SLC22A2: variants seen among roughly 807,000 people sequenced by gnomAD.
The protein encoded by SLC22A2 is organic cation transporter 2.
Under a neutral mutation model 60.5 loss-of-function variants are expected in SLC22A2, and 46 were observed. The ratio of observed to expected loss-of-function variants is 0.76; its 90% CI spans 0.60 to 0.97. SLC22A2 has a LOEUF of 0.97. Ranked by LOEUF, SLC22A2 falls within the 50% of genes least tolerant of loss-of-function variation. SLC22A2 has a pLI of 0.00. For synonymous variants in SLC22A2, 303 were observed against 267.0 expected, an observed-to-expected ratio of 1.13 and a Z score of -1.31; for missense variants, 701 against 706.6, an observed-to-expected ratio of 0.99 and a Z score of 0.09.
intron 9 of SLC22A2, among the ~76,000 whole-genome samples, chr6:160,235,721 G>T (rs1782900006): frequency 6.6e-6 from 1 of 151,702 alleles, no homozygotes; most frequent in Non-Finnish European, 1.5e-5. Context: ...TAAAAAGTTT[G>T]TAAAGAGTTA....
At chr6:160,234,110 T>G (rs1782871897) in intron 9 of SLC22A2, among the ~76,000 whole-genome samples, 1 of 152,120 alleles carries the variant, frequency 6.6e-6, no homozygotes. Context: ...GCTCCCCCAC[T>G]GAGCACATTG....
Position 160,224,821 on chromosome 6 carries a change from T to G in SLC22A2, c.1502-17A>C, listed in dbSNP as rs1782698141. The G allele has an allele frequency of 2.1e-6, 3 of 1,443,950 alleles. No individual in the cohort carries two copies. The highest frequency in any genetic ancestry group is 1.9e-6 in the Non-Finnish European group (2 of 1,051,278). 89.4% of individuals were successfully genotyped at this position (1,443,950 alleles called of 1,614,324 possible). On this transcript the variant is annotated splice_polypyrimidine_tract_variant and intron_variant, in intron 9 of 10. Transcript: ENST00000366953. ...CAAGCACGCCTGAAAGCCAAACAGA[T>G]GAATATCACATTAAGAACTGAAAAA...
chr6:160,238,346 C>T (rs1437960444), intron 9 of SLC22A2, among the ~76,000 whole-genome samples: 1 of 152,180 alleles, frequency 6.6e-6, no homozygotes, highest in African/African-American at 2.4e-5. Flanking sequence ...TCCAAGCCTC[C>T]CAAGATTCAC....
intron 9 of SLC22A2, among the ~76,000 whole-genome samples, chr6:160,230,881 C>T (rs927532350): frequency 6.6e-6 from 1 of 152,060 alleles, no homozygotes; most frequent in Non-Finnish European, 1.5e-5. Context: ...ACTTGCCCCG[C>T]AGCCAGTCCT....
At chr6:160,240,853 G>A (rs559773340) in intron 9 of SLC22A2, among the ~76,000 whole-genome samples, 1 of 152,286 alleles carries the variant, frequency 6.6e-6, no homozygotes, top group East Asian at 1.9e-4. Flanking sequence ...AACCAGAGAA[G>A]GCTCAGTGCT....
Position 160,224,695 on chromosome 6 carries a change from A to T in SLC22A2, c.1601+10T>A, listed in dbSNP as rs769547462. On this transcript the variant is annotated intron_variant, in intron 10 of 10. Coordinates refer to ENST00000366953, the MANE Select transcript of SLC22A2 (RefSeq NM_003058.4). ...ATAGAACAATTCATTTAGAACTTTC[A>T]ACTGCCTACCTTTGCATATTTTCGG... 3.2e-6 allele frequency: 5 copies of T among 1,580,576 alleles called. No homozygotes were observed. Among genetic ancestry groups the T allele is most frequent in the Non-Finnish European group, 4.3e-6 (5 of 1,157,556 alleles).
chr6:160,244,094 A>G (rs1479132035), intron 6 of SLC22A2: 1 of 262,174 alleles, frequency 3.8e-6, no homozygotes, highest in Non-Finnish European at 7.4e-6. Context: ...TATTTTATTT[A>G]TTTATTTTTT....
rs116265257 is a variant in SLC22A2 at position 160,231,379 on chromosome 6, C to T, written c.1502-6575G>A. ...GCGTCTTCCTCTTGTATCCCCCAAC[C>T]TTAACCCACAAATATGGAATACCTC... is the stretch of plus-strand genomic sequence containing the variant. On this transcript the variant is annotated intron_variant, in intron 9 of 10. Transcript: ENST00000366953. Among the ~76,000 whole-genome samples, 1,088 of 151,816 alleles carry T rather than the reference C, an allele frequency of 7.2e-3. 23 individuals are homozygous for T. The highest frequency in any genetic ancestry group is 0.031 in the Middle Eastern group (9 of 294).
chr6:160,217,693 G>A (rs3103352), intron 10 of SLC22A2, among the ~76,000 whole-genome samples, 195 bp from the exon 11 acceptor site: 18,384 of 152,186 alleles, frequency 0.12, 1,236 homozygotes, highest in African/African-American at 0.16. Context: ...TGTCGACAGA[G>A]TTATTCCTAA....
At position 160,243,575 on chromosome 6, in the gene SLC22A2, C is replaced by T. The variant is rs1452622174; in HGVS notation, c.1276G>A (p.Gly426Ser). The T allele has an allele frequency of 5.0e-6, 8 of 1,612,194 alleles. No homozygotes were observed. Among genetic ancestry groups the T allele is most frequent in the Non-Finnish European group, 5.9e-6 (7 of 1,178,334 alleles). The change falls in exon 7 of 11, where the codon GGT becomes AGT. Residue 426 changes from glycine (G) to serine (S), a missense_variant. Gly to Ser is a moderately conservative substitution (Grantham distance 56). Coordinates refer to ENST00000366953, the MANE Select transcript of SLC22A2 (RefSeq NM_003058.4). ...AACLASVFIP[G>S]DLQWLKIIIS... The stretch of plus-strand genomic sequence containing the variant: ...TCCAACTTCACCTGAAACTTACCAC[C>T]AGGTATAAAAACTGAGGCCAGACAG...
intron 9 of SLC22A2, among the ~76,000 whole-genome samples, chr6:160,237,752 C>G (rs752041955): frequency 6.6e-6 from 1 of 152,158 alleles, no homozygotes; most frequent in African/African-American, 2.4e-5. Flanking sequence ...CATTCCCAGA[C>G]AGTTAGGCAT....
chr6:160,258,765 CAGGCAGGAGG>C lies in SLC22A2; in HGVS notation c.-18_-9del, dbSNP rs1783324569. 1 of 1,533,296 alleles carries C rather than the reference CAGGCAGGAGG, an allele frequency of 6.5e-7. No homozygotes were observed. The highest frequency in any genetic ancestry group is 8.8e-7 in the Non-Finnish European group (1 of 1,138,884). The allele number at this position is 1,533,296 out of a possible 1,614,324, so 95.0% of individuals were successfully genotyped here. A position where few individuals can be genotyped will look rare whatever the true frequency, so the allele number is the denominator to read the frequency against. On this transcript the variant is annotated 5_prime_UTR_variant, in exon 1 of 11. Coordinates refer to ENST00000366953, the MANE Select transcript of SLC22A2 (RefSeq NM_003058.4). Reference sequence around the variant, plus strand: ...GTCCACGGTGGTGGGCATGATCCTGCAGGCAGGAGGGCCCGAGGCTGCCCGACGTGCCCGG... The same window carrying C: ...GTCCACGGTGGTGGGCATGATCCTGCGCCCGAGGCTGCCCGACGTGCCCGG...
rs191990481 is a variant in SLC22A2 at position 160,230,245 on chromosome 6, G to A, written c.1502-5441C>T. Among the ~76,000 whole-genome samples, 320 of 151,748 alleles carry A rather than the reference G, an allele frequency of 2.1e-3. 1 individual carries two copies. Among genetic ancestry groups the A allele is most frequent in the Non-Finnish European group, 2.5e-3 (168 of 67,978 alleles). On this transcript the variant is annotated intron_variant, in intron 9 of 10. Transcript: ENST00000366953. ...CACACCCGGTCTGGTTTACAGTTTC[G>A]TTCCACAACTAGCCCTCCCCCACCT...
chr6:160,243,477 G>A lies in SLC22A2; in HGVS notation c.1279+95C>T, dbSNP rs1783043542. The A allele has an allele frequency of 3.1e-6, 3 of 966,920 alleles. No homozygotes were observed. The South Asian group carries it at 4.3e-5, about 14-fold the overall frequency. The allele number at this position is 966,920 out of a possible 1,614,324, so 59.9% of individuals were successfully genotyped here. A position where few individuals can be genotyped will look rare whatever the true frequency, so the allele number is the denominator to read the frequency against. ...CCAATTTGTCTTTCCAAATTGATTT[G>A]GATGACAAATTACATGGTTTTCCTA... On this transcript the variant is annotated intron_variant, in intron 7 of 10. Coordinates refer to ENST00000366953, the MANE Select transcript of SLC22A2 (RefSeq NM_003058.4).
chr6:160,251,629 C>G (rs1418300609), intron 2 of SLC22A2, among the ~76,000 whole-genome samples: 1 of 152,102 alleles, frequency 6.6e-6, no homozygotes, highest in Non-Finnish European at 1.5e-5. Flanking sequence ...ACACCCTAAT[C>G]CACTTAGTGG....
In SLC22A2 at chr6:160,243,643, C is replaced by T. The variant is rs768194904; in HGVS notation, c.1208G>A (p.Arg403His). The stretch of plus-strand genomic sequence containing the variant: ...ATTTGATGCAGCCCAAGGGTAACGG[C>T]GTCCGATGCGGTCGATGGTGAGGAT... ...MIILTIDRIG[R>H]RYPWAASNMV... Residue 403 changes from arginine (R) to histidine (H), a missense_variant, in exon 7 of 11, where the codon CGC (arginine) becomes CAC (histidine). Physicochemically the swap from Arg to His is conservative, Grantham distance 29 (BLOSUM62 0). Transcript: ENST00000366953. 2.5e-6 allele frequency: 4 copies of T among 1,613,872 alleles called. No individual in the cohort carries two copies. Among genetic ancestry groups the T allele is most frequent in the African/African-American group, 2.7e-5 (2 of 74,866 alleles).
At chr6:160,232,280 C>T (rs1214755409) in intron 9 of SLC22A2, among the ~76,000 whole-genome samples, 1 of 151,850 alleles carries the variant, frequency 6.6e-6, no homozygotes, top group Non-Finnish European at 1.5e-5. Context: ...CTGTTCCTCA[C>T]CCTGATCACA....
rs536414119 is a variant in SLC22A2 at position 160,234,129 on chromosome 6, G to A, written c.1501+7345C>T. Among the ~76,000 whole-genome samples, 6 of 150,804 alleles carry A rather than the reference G, an allele frequency of 4.0e-5. No homozygotes were observed. In the South Asian group the frequency reaches 1.1e-3, roughly 27 times the overall value. On this transcript the variant is annotated intron_variant, in intron 9 of 10. Coordinates refer to ENST00000366953, the MANE Select transcript of SLC22A2 (RefSeq NM_003058.4). ...CCCCACTGAGCACATTGTGACCCCCGCCCCTGCCTGCCGAGAACTACCCAC... is the reference window on the plus strand; with the variant it reads ...CCCCACTGAGCACATTGTGACCCCCACCCCTGCCTGCCGAGAACTACCCAC...
Position 160,258,382 on chromosome 6 carries a change from A to T in SLC22A2, c.376T>A (p.Trp126Arg). Residue 126 changes from tryptophan to arginine, a missense_variant, in exon 1 of 11, where the codon TGG becomes AGG. Coordinates refer to ENST00000366953, the MANE Select transcript of SLC22A2 (RefSeq NM_003058.4). ...RLPLGPCRDG[W>R]VYETPGSSIV... is the part of the protein sequence containing the mutation. The stretch of plus-strand genomic sequence containing the variant: ...GACGAGCCAGGCGTCTCGTACACCC[A>T]GCCGTCCCGGCAGGGGCCCAGTGGC... 1.9e-6 allele frequency: 3 copies of T among 1,613,574 alleles called. No homozygotes were observed. The highest frequency in any genetic ancestry group is 1.7e-6 in the Non-Finnish European group (2 of 1,179,808).
Sources: gnomAD v4.1 joint callset for allele counts (sites outside exome capture counted in the v4.1 genomes callset) on GRCh38, gnomAD v4.1.1 for gene constraint, MANE v1.5 for transcripts, NCBI Gene and HGNC (gene_info 2026-07-23, HGNC 2026-07-21) for gene names.